FAF1: variants seen among roughly 807,000 people sequenced by gnomAD.
The protein encoded by FAF1 is FAS-associated factor 1.
In FAF1, 25 loss-of-function variants were observed where a neutral mutation model predicts 92.5. The observed-to-expected ratio is 0.27, with a 90% CI of 0.20 to 0.38. The LOEUF (loss-of-function observed/expected upper bound fraction) is 0.38, where lower values mean the gene tolerates loss of function less well. FAF1 is among the 10% of genes least tolerant of loss of function. The pLI is 1.00. For synonymous variants in FAF1, 234 were observed against 273.2 expected, an observed-to-expected ratio of 0.86 and a Z score of 1.42; for missense variants, 636 against 793.3, an observed-to-expected ratio of 0.80 and a Z score of 2.38.
chr1:50,621,588 C>T (rs1653212008), intron 8 of FAF1, among the ~76,000 whole-genome samples: 2 of 151,516 alleles, frequency 1.3e-5, no homozygotes, highest in South Asian at 4.2e-4. Flanking sequence ...TTAATAGAGA[C>T]AGGGTTTCAC....
intron 3 of FAF1, among the ~76,000 whole-genome samples, chr1:50,793,343 AT>A (rs1352315647): frequency 3.9e-5 from 6 of 152,212 alleles, no homozygotes; most frequent in African/African-American, 1.4e-4. Context: ...AAATATCCAG[AT>A]TTTTAGGAGA....
At chr1:50,837,651 T>A (rs1644220866) in intron 2 of FAF1, among the ~76,000 whole-genome samples, 1 of 152,068 alleles carries the variant, frequency 6.6e-6, no homozygotes. Context: ...CATTGACCTA[T>A]AAAGTTTGTA....
At chr1:50,758,840 T>A (rs1321838810) in intron 4 of FAF1, among the ~76,000 whole-genome samples, 5 of 152,158 alleles carry the variant, frequency 3.3e-5, no homozygotes, top group African/African-American at 1.2e-4. Flanking sequence ...TATTTTTTAT[T>A]ATTATTATTG....
chr1:50,746,280 ATATATATATATATTTTTTTTTT>A (rs1474557979), intron 4 of FAF1, among the ~76,000 whole-genome samples: 12 of 18,852 alleles, frequency 6.4e-4, no homozygotes, highest in Non-Finnish European at 9.7e-4. Context: ...ATATATATAT[ATATATATATATATTTTTTTTTT>A]TTTTTTTTTT....
At chr1:50,906,463 C>CT (rs1644839747) in intron 1 of FAF1, among the ~76,000 whole-genome samples, 1 of 152,120 alleles carries the variant, frequency 6.6e-6, no homozygotes, top group African/African-American at 2.4e-5. Context: ...TATAAATTAT[C>CT]TTGGGCAGTA....
intron 2 of FAF1, among the ~76,000 whole-genome samples, chr1:50,803,326 C>A (rs1435997866): frequency 6.6e-6 from 1 of 152,014 alleles, no homozygotes; most frequent in Non-Finnish European, 1.5e-5. Flanking sequence ...CTGAGGAATG[C>A]CAAAGTATAA....
chr1:50,627,317 T>C (rs962893946), intron 8 of FAF1, among the ~76,000 whole-genome samples: 5 of 152,006 alleles, frequency 3.3e-5, no homozygotes, highest in African/African-American at 1.2e-4. Flanking sequence ...GCAAAGGAGA[T>C]AGAAAAGGAG....
intron 8 of FAF1, among the ~76,000 whole-genome samples, chr1:50,630,966 C>T (rs1217125113): frequency 6.6e-6 from 1 of 151,592 alleles, no homozygotes; most frequent in African/African-American, 2.4e-5. Context: ...CCATGCCCGG[C>T]TAATTTTTGT....
At chr1:50,636,250 G>C (rs1015150164) in intron 8 of FAF1, among the ~76,000 whole-genome samples, 1 of 151,890 alleles carries the variant, frequency 6.6e-6, no homozygotes, top group Non-Finnish European at 1.5e-5. Flanking sequence ...GTAACCACTA[G>C]TATAATTTTC....
intron 15 of FAF1, among the ~76,000 whole-genome samples, chr1:50,508,449 T>C (rs931618278): frequency 6.6e-6 from 1 of 152,206 alleles, no homozygotes; most frequent in Non-Finnish European, 1.5e-5. Context: ...TGGATGAAGC[T>C]TGAAGACATT....
rs1651103942 is a variant in FAF1 at position 50,583,861 on chromosome 1, T to C, written c.968-146A>G. 2 of 515,958 alleles carry C rather than the reference T, an allele frequency of 3.9e-6. No individual in the cohort carries two copies. The highest frequency in any genetic ancestry group is 2.9e-5 in the East Asian group (1 of 34,468). The allele number at this position is 515,958 out of a possible 1,614,324, so 32.0% of individuals were successfully genotyped here. The stretch of plus-strand genomic sequence containing the variant: ...AAATTAAATTTTAGCTTCTGTGATA[T>C]ATCTGAGGGGATAGTTTAACTCAAC... On this transcript the variant is annotated intron_variant, in intron 10 of 18. Transcript: ENST00000396153. The surrounding 1 kb of genome is among the most constrained non-coding windows in gnomAD (Gnocchi z 4.2).
chr1:50,710,671 C>T (rs1305698345), intron 6 of FAF1, among the ~76,000 whole-genome samples: 2 of 151,422 alleles, frequency 1.3e-5, no homozygotes, highest in African/African-American at 2.4e-5. Flanking sequence ...GGTGCGACCT[C>T]GGCTCACTGA....
At position 50,656,193 on chromosome 1, in the gene FAF1, C is replaced by T. The variant is rs139786612; in HGVS notation, c.658-665G>A. Among the ~76,000 whole-genome samples the T allele has an allele frequency of 3.6e-3, 539 of 151,816 alleles. 15 individuals carry two copies. Among genetic ancestry groups the T allele is most frequent in the Admixed American group, 0.021 (320 of 15,232 alleles). On this transcript the variant is annotated intron_variant, in intron 7 of 18. Transcript: ENST00000396153. ...CTAAAAATACAAAAAATTAGCCAGGCGTGGTGGCGGTGCCTATAATCCCAG... is the reference window on the plus strand; with the variant it reads ...CTAAAAATACAAAAAATTAGCCAGGTGTGGTGGCGGTGCCTATAATCCCAG...
intron 4 of FAF1, among the ~76,000 whole-genome samples, chr1:50,756,013 C>T (rs1009838613): frequency 6.6e-6 from 1 of 152,182 alleles, no homozygotes; most frequent in Non-Finnish European, 1.5e-5. Context: ...CTCTGACACG[C>T]CCTGGAGACA....
intron 18 of FAF1, among the ~76,000 whole-genome samples, chr1:50,473,570 G>A (rs918244888): frequency 2.0e-5 from 3 of 152,304 alleles, no homozygotes; most frequent in Non-Finnish European, 4.4e-5. Context: ...TTCACACACT[G>A]AGAGTTCAAC....
intron 1 of FAF1, among the ~76,000 whole-genome samples, chr1:50,872,064 C>CAAAAAA (rs200142842): frequency 5.3e-4 from 34 of 64,736 alleles, no homozygotes; most frequent in East Asian, 1.0e-3. Flanking sequence ...GACTCCATCT[C>CAAAAAA]AAAAAAAAAA....
intron 13 of FAF1, among the ~76,000 whole-genome samples, chr1:50,540,991 A>G (rs1207838879): frequency 6.6e-6 from 1 of 152,242 alleles, no homozygotes; most frequent in Non-Finnish European, 1.5e-5. Flanking sequence ...TGTATGTTCT[A>G]GCTGATGAGC....
At chr1:50,940,771 A>G (rs1238594540) in intron 1 of FAF1, among the ~76,000 whole-genome samples, 1 of 152,214 alleles carries the variant, frequency 6.6e-6, no homozygotes, top group Non-Finnish European at 1.5e-5. Context: ...GTGACGTAAA[A>G]ATACTAGTAA....
chr1:50,794,727 G>A (rs923329127), intron 3 of FAF1, among the ~76,000 whole-genome samples: 6 of 151,700 alleles, frequency 4.0e-5, no homozygotes, highest in African/African-American at 9.7e-5. Context: ...AGGTTCAAGC[G>A]ATTCTCCTGC....
Sources: gnomAD v4.1 joint callset for allele counts (sites outside exome capture counted in the v4.1 genomes callset) on GRCh38, gnomAD v4.1.1 for gene constraint, Gnocchi (gnomAD v3.1) non-coding constraint, MANE v1.5 for transcripts, NCBI Gene and HGNC (gene_info 2026-07-23, HGNC 2026-07-21) for gene names.